The following TMEM132D variants were observed in gnomAD, a reference collection of about 807,000 sequenced individuals.
TMEM132D encodes the protein mature OL transmembrane protein.
A neutral mutation model predicts 62.3 loss-of-function variants in TMEM132D; 21 were observed. That is an observed-to-expected ratio of 0.34 (90% confidence interval 0.24 to 0.49). The LOEUF is 0.49. TMEM132D is among the 20% of genes least tolerant of loss of function. The pLI is 0.99. For missense variants in TMEM132D, 1,346 were observed against 1,402.8 expected (o/e 0.96, Z 0.65); for synonymous variants, 621 against 575.6 (o/e 1.08, Z -1.13).
At chr12:129,171,176 G>A (rs1877714851) in intron 5 of TMEM132D, among the ~76,000 whole-genome samples, 4 of 152,206 alleles carry the variant, frequency 2.6e-5, no homozygotes, top group Non-Finnish European at 5.9e-5. Context: ...GACGTTCACA[G>A]TATCTTCCCC....
At chr12:129,473,231 G>A (rs775050877) in intron 3 of TMEM132D, among the ~76,000 whole-genome samples, 11 of 151,294 alleles carry the variant, frequency 7.3e-5, no homozygotes, top group Non-Finnish European at 5.9e-5. Context: ...GTCAGCAGTC[G>A]TCCATGTCGG....
At chr12:129,682,018 G>A (rs1182720592) in intron 2 of TMEM132D, among the ~76,000 whole-genome samples, 2 of 152,224 alleles carry the variant, frequency 1.3e-5, no homozygotes, top group Non-Finnish European at 2.9e-5. Context: ...GCACTAGAAT[G>A]TGCTGAGTTA....
intron 2 of TMEM132D, among the ~76,000 whole-genome samples, chr12:129,580,315 A>C (rs980990753): frequency 6.6e-6 from 1 of 152,274 alleles, no homozygotes. Context: ...AAGCCTGTAC[A>C]GGACTGGTCA....
intron 3 of TMEM132D, among the ~76,000 whole-genome samples, chr12:129,356,938 AG>A (rs1401728846): frequency 9.6e-5 from 1 of 10,438 alleles, no homozygotes; most frequent in Non-Finnish European, 2.0e-4. Context: ...AGGAGAGGGG[AG>A]GGGAGGGGAG....
chr12:129,579,409 G>A (rs1195010064), intron 2 of TMEM132D, among the ~76,000 whole-genome samples: 1 of 152,200 alleles, frequency 6.6e-6, no homozygotes, highest in African/African-American at 2.4e-5. Context: ...ACCACAAGGT[G>A]AAGTCCCATG....
intron 3 of TMEM132D, among the ~76,000 whole-genome samples, chr12:129,421,055 G>A (rs946694176): frequency 4.0e-5 from 6 of 149,798 alleles, no homozygotes; most frequent in East Asian, 2.1e-4. Flanking sequence ...TCTGCCTCCC[G>A]GGTTCAAGAG....
rs1241432947 is a variant in TMEM132D at position 129,087,915 on chromosome 12, CCTCCCTGACCGGGT to C, written c.1444-3227_1444-3214del. On this transcript the variant is annotated intron_variant, in intron 5 of 8. Transcript: ENST00000422113. ...GGGGTGTCCTCCCTGACCGGGGTGTCCTCCCTGACCGGGTGTCCTCCATGACCGGGGTGTCCTCC... is the reference window on the plus strand; with the variant it reads ...GGGGTGTCCTCCCTGACCGGGGTGTCGTCCTCCATGACCGGGGTGTCCTCC... Among the ~76,000 whole-genome samples, 447 of 128,690 alleles carry C rather than the reference CCTCCCTGACCGGGT, an allele frequency of 3.5e-3. 9 individuals are homozygous for C. The highest frequency in any genetic ancestry group is 8.9e-3 in the African/African-American group (282 of 31,770). The allele number at this position is 128,690 out of a possible 152,430, so 84.4% of individuals were successfully genotyped here. A position where few individuals can be genotyped will look rare whatever the true frequency, so the allele number is the denominator to read the frequency against.
chr12:129,210,578 C>T (rs750589028), intron 4 of TMEM132D, among the ~76,000 whole-genome samples: 1 of 152,196 alleles, frequency 6.6e-6, no homozygotes, highest in Non-Finnish European at 1.5e-5. Flanking sequence ...TTAAGAATGT[C>T]CTGAACCTTT....
At chr12:129,266,129 T>C (rs1346186841) in intron 4 of TMEM132D, among the ~76,000 whole-genome samples, 3 of 152,174 alleles carry the variant, frequency 2.0e-5, no homozygotes, top group African/African-American at 7.2e-5. Flanking sequence ...TGTGCTGCCA[T>C]ATTGGATGGT....
At chr12:129,866,901 A>T (rs1874077078) in intron 1 of TMEM132D, among the ~76,000 whole-genome samples, 1 of 152,158 alleles carries the variant, frequency 6.6e-6, no homozygotes, top group Non-Finnish European at 1.5e-5. Context: ...TAATGAACGA[A>T]TGGATACAGA....
At chr12:129,234,428 C>T (rs139329424) in intron 4 of TMEM132D, among the ~76,000 whole-genome samples, 62 of 152,284 alleles carry the variant, frequency 4.1e-4, no homozygotes, top group African/African-American at 1.4e-3. Context: ...TTTTCACACC[C>T]GTTCCAGGAG....
At chr12:129,740,015 A>C (rs1869550550) in intron 1 of TMEM132D, among the ~76,000 whole-genome samples, 1 of 152,096 alleles carries the variant, frequency 6.6e-6, no homozygotes, top group African/African-American at 2.4e-5. Flanking sequence ...TCTTCAGTGT[A>C]TGGCTGCAGC....
chr12:129,080,498 T>A (rs78873393), intron 7 of TMEM132D, among the ~76,000 whole-genome samples: 79 of 152,350 alleles, frequency 5.2e-4, no homozygotes, highest in African/African-American at 1.8e-3. Context: ...TTGGATAAAA[T>A]GAAGTGTTAG....
At chr12:129,798,975 A>G (rs1389246780) in intron 1 of TMEM132D, among the ~76,000 whole-genome samples, 1 of 152,232 alleles carries the variant, frequency 6.6e-6, no homozygotes, top group East Asian at 1.9e-4. Context: ...ACATAAAAAT[A>G]TGGATGTCGG....
At chr12:129,361,195 A>G (rs1041583821) in intron 3 of TMEM132D, among the ~76,000 whole-genome samples, 14 of 152,218 alleles carry the variant, frequency 9.2e-5, no homozygotes, top group Non-Finnish European at 5.9e-5. Context: ...ATGAAATAAG[A>G]CTGCAGGAGA....
intron 4 of TMEM132D, among the ~76,000 whole-genome samples, chr12:129,326,731 A>G (rs1195900829): frequency 6.6e-6 from 1 of 152,216 alleles, no homozygotes; most frequent in Non-Finnish European, 1.5e-5. Flanking sequence ...TTTATATAAC[A>G]AATATTTATG....
chr12:129,151,805 G>A (rs1034014041), intron 5 of TMEM132D, among the ~76,000 whole-genome samples: 4 of 151,390 alleles, frequency 2.6e-5, no homozygotes, highest in Non-Finnish European at 5.9e-5. Flanking sequence ...GTTCCTCTGC[G>A]AATATTTGTA....
At chr12:129,298,272 G>A (rs1192188056) in intron 4 of TMEM132D, among the ~76,000 whole-genome samples, 1 of 152,138 alleles carries the variant, frequency 6.6e-6, no homozygotes, top group Non-Finnish European at 1.5e-5. Context: ...TAGAGCTAAA[G>A]TAAACCTACA....
At chr12:129,760,422 CCCG>C (rs1870324610) in intron 1 of TMEM132D, among the ~76,000 whole-genome samples, 2 of 149,586 alleles carry the variant, frequency 1.3e-5, no homozygotes, top group African/African-American at 4.9e-5. Context: ...AGCTCCGCCT[CCCG>C]GGTTCACGCC....
Sources: allele counts gnomAD v4.1 joint callset (sites outside exome capture counted in the v4.1 genomes callset), GRCh38; gene constraint gnomAD v4.1.1; transcripts MANE v1.5; gene names NCBI Gene and HGNC (gene_info 2026-07-23, HGNC 2026-07-21).